Variants in OSBPL8 observed in about 807,000 individuals in gnomAD.
OSBPL8 encodes the protein oxysterol binding protein like 8.
In OSBPL8, 59 loss-of-function variants were observed where a neutral mutation model predicts 125.5. The ratio of observed to expected loss-of-function variants is 0.47; its 90% confidence interval spans 0.38 to 0.58. OSBPL8 has a LOEUF of 0.58. Ranked by LOEUF, OSBPL8 falls within the 20% of genes least tolerant of loss-of-function variation. The pLI is 0.00. For missense variants in OSBPL8, 758 were observed against 1,047.8 expected (o/e 0.72, Z 3.82); for synonymous variants, 330 against 338.9 (o/e 0.97, Z 0.29).
At chr12:76,381,153 G>A (rs1169403191) in intron 15 of OSBPL8, among the ~76,000 whole-genome samples, 1 of 151,818 alleles carries the variant, frequency 6.6e-6, no homozygotes, top group Non-Finnish European at 1.5e-5. Context: ...CTGTTGATTT[G>A]TTACTACTTA....
chr12:76,372,678 T>C (rs1174240884), intron 18 of OSBPL8, among the ~76,000 whole-genome samples: 2 of 152,202 alleles, frequency 1.3e-5, no homozygotes, highest in African/African-American at 4.8e-5. Flanking sequence ...GCTCATAGTA[T>C]GGTATATCCA....
chr12:76,502,298 C>T (rs1188865783), intron 1 of OSBPL8, among the ~76,000 whole-genome samples: 1 of 152,160 alleles, frequency 6.6e-6, no homozygotes, highest in East Asian at 1.9e-4. Context: ...TGCATCCTGT[C>T]CCCATAACCC....
intron 15 of OSBPL8, among the ~76,000 whole-genome samples, chr12:76,382,417 T>C (rs1211777063): frequency 6.6e-6 from 1 of 152,150 alleles, no homozygotes; most frequent in Non-Finnish European, 1.5e-5. Context: ...TTTAGGGGAC[T>C]GGATAATTAT....
At chr12:76,506,589 T>A (rs1565953022) in intron 1 of OSBPL8, among the ~76,000 whole-genome samples, 1 of 152,124 alleles carries the variant, frequency 6.6e-6, no homozygotes, top group Non-Finnish European at 1.5e-5. Flanking sequence ...AAAAAGAGAT[T>A]TACTCTATAT....
Position 76,501,843 on chromosome 12 carries a change from G to A in OSBPL8, c.-67-14225C>T, listed in dbSNP as rs189247411. On this transcript the variant is annotated intron_variant, in intron 1 of 23. Coordinates refer to ENST00000261183, the MANE Select transcript of OSBPL8 (RefSeq NM_020841.5). ...GTTGAGCTGCTTCCATCACGAAGGG[G>A]CAGCATTTTGTTCCTACTTGAATAA... is the stretch of plus-strand genomic sequence containing the variant. Among the ~76,000 whole-genome samples, 212 of 152,360 alleles carry A rather than the reference G, an allele frequency of 1.4e-3. 1 individual carries two copies. Among genetic ancestry groups the A allele is most frequent in the African/African-American group, 5.0e-3 (206 of 41,574 alleles).
intron 8 of OSBPL8, among the ~76,000 whole-genome samples, chr12:76,397,189 G>A (rs903406709): frequency 4.4e-4 from 26 of 58,476 alleles, no homozygotes; most frequent in Non-Finnish European, 5.2e-4. Flanking sequence ...TCAAGAGTAA[G>A]TAATTAAAAA....
At chr12:76,557,877 T>C (rs1227953724) in intron 1 of OSBPL8, among the ~76,000 whole-genome samples, 5 of 152,206 alleles carry the variant, frequency 3.3e-5, no homozygotes, top group Admixed American at 6.5e-5. Context: ...GTAGCATCTT[T>C]CCACAGATCA....
rs558483647 is a variant in OSBPL8 at position 76,366,179 on chromosome 12, T to C, written c.2328+3035A>G. Among the ~76,000 whole-genome samples the C allele has an allele frequency of 4.6e-5, 7 of 152,338 alleles. No homozygotes were observed. In the South Asian group the frequency reaches 1.4e-3, roughly 32 times the overall value. ...TTTGTGCTTGTTCTTTAAAGTTTTG[T>C]AGAATTCACCAGTGCAGCCACCTGA... On this transcript the variant is annotated intron_variant, in intron 21 of 23. Coordinates refer to ENST00000261183, the MANE Select transcript of OSBPL8 (RefSeq NM_020841.5).
intron 1 of OSBPL8, among the ~76,000 whole-genome samples, chr12:76,497,092 C>T (rs1320739853): frequency 1.3e-5 from 2 of 152,098 alleles, no homozygotes; most frequent in East Asian, 1.9e-4. Flanking sequence ...TTCCCACATT[C>T]CACAATACAT....
chr12:76,460,768 C>G (rs1162745024), intron 2 of OSBPL8, among the ~76,000 whole-genome samples: 4 of 152,190 alleles, frequency 2.6e-5, no homozygotes, highest in African/African-American at 9.7e-5. Flanking sequence ...ACAGAGTTCT[C>G]AGCTCTCCTT....
At chr12:76,370,441 A>G (rs1952576731) in intron 19 of OSBPL8, among the ~76,000 whole-genome samples, 1 of 152,192 alleles carries the variant, frequency 6.6e-6, no homozygotes, top group Non-Finnish European at 1.5e-5. Context: ...AAGTATATCT[A>G]TATCCTACCC....
At chr12:76,373,214 G>C (rs891199944) in intron 18 of OSBPL8, 130 bp downstream of exon 18, 6 of 544,962 alleles carry the variant, frequency 1.1e-5, no homozygotes, top group Non-Finnish European at 9.4e-6. Context: ...CAAAATATCT[G>C]CTATTAAGAT....
chr12:76,394,792 A>G (rs968686553), intron 8 of OSBPL8, 63 bp from the exon 9 acceptor site: 14 of 1,123,086 alleles, frequency 1.2e-5, no homozygotes, highest in Non-Finnish European at 1.8e-5. Flanking sequence ...TCATCTTTAC[A>G]CTATCCAATA....
chr12:76,509,307 C>T (rs142868625), intron 1 of OSBPL8, among the ~76,000 whole-genome samples: 71 of 152,234 alleles, frequency 4.7e-4, no homozygotes, highest in African/African-American at 1.6e-3. Context: ...ACTCACATGA[C>T]AAAATTGCCT....
intron 1 of OSBPL8, among the ~76,000 whole-genome samples, chr12:76,517,605 T>C (rs1175715403): frequency 6.6e-6 from 1 of 152,200 alleles, no homozygotes; most frequent in African/African-American, 2.4e-5. Context: ...TATGTACTAG[T>C]CCAGTTTTGC....
intron 1 of OSBPL8, among the ~76,000 whole-genome samples, chr12:76,556,942 G>A (rs1456007737): frequency 6.6e-6 from 1 of 152,120 alleles, no homozygotes; most frequent in Non-Finnish European, 1.5e-5. Flanking sequence ...AGCATTACAG[G>A]CGTGAGCCAC....
At chr12:76,356,354 A>G (rs565289500) in intron 23 of OSBPL8, among the ~76,000 whole-genome samples, 1 of 152,300 alleles carries the variant, frequency 6.6e-6, no homozygotes, top group Non-Finnish European at 1.5e-5. Context: ...TCCACATGCA[A>G]CCCAGCTACA....
At position 76,355,928 on chromosome 12, in the gene OSBPL8, CA is replaced by C; in HGVS notation, c.2630del (p.Leu877ArgfsTer7). ...QQKDYFIIFL[L>X]ILLQVIINFM... Reference sequence around the variant, plus strand: ...AGTTTATTATGACTTGAAGCAAAATCAGGAGGAAAATGATGAAGTAGTCTTT... The same window carrying C: ...AGTTTATTATGACTTGAAGCAAAATCGGAGGAAAATGATGAAGTAGTCTTT... On this transcript the variant is annotated frameshift_variant, in exon 24 of 24. Transcript: ENST00000261183. LOFTEE classifies it high-confidence loss of function. 1 of 1,613,406 alleles carries C rather than the reference CA, an allele frequency of 6.2e-7. No individual in the cohort carries two copies. The highest frequency in any genetic ancestry group is 2.2e-5 in the East Asian group (1 of 44,802).
chr12:76,399,864 C>T lies in OSBPL8; in HGVS notation c.468+9G>A. The stretch of plus-strand genomic sequence containing the variant: ...AGCAATCTGAATTCATGATTCAAAA[C>T]ACACTGACCTTTAACCAATCAGCCA... On this transcript the variant is annotated intron_variant, in intron 7 of 23. Transcript: ENST00000261183. The T allele has an allele frequency of 6.3e-7, 1 of 1,580,326 alleles. No homozygotes were observed. The highest frequency in any genetic ancestry group is 8.6e-7 in the Non-Finnish European group (1 of 1,167,654).
Sources: gnomAD v4.1 joint callset for allele counts (sites outside exome capture counted in the v4.1 genomes callset) on GRCh38, gnomAD v4.1.1 for gene constraint, MANE v1.5 for transcripts, NCBI Gene and HGNC (gene_info 2026-07-23, HGNC 2026-07-21) for gene names.